KAZN: variants seen among roughly 807,000 people sequenced by gnomAD.
KAZN encodes the protein kazrin, periplakin interacting protein.
In KAZN, 40 loss-of-function variants were observed where a neutral mutation model predicts 87.4. The observed-to-expected ratio is 0.46, with a 90% CI of 0.36 to 0.60. The LOEUF is 0.60. KAZN is among the 20% of genes least tolerant of loss of function. The pLI is 0.00. For synonymous variants in KAZN, 466 were observed against 458.3 expected (o/e 1.02, Z -0.22); for missense variants, 898 against 1,073.9 (o/e 0.84, Z 2.29).
intron 1 of KAZN, among the ~76,000 whole-genome samples, chr1:14,169,426 C>T (rs1411087107): frequency 6.6e-6 from 1 of 152,134 alleles, no homozygotes; most frequent in Non-Finnish European, 1.5e-5. Context: ...TATGTCCAGC[C>T]GATTAGCCTC....
At chr1:15,086,362 AAAC>A in intron 8 of KAZN, among the ~76,000 whole-genome samples, 1 of 152,350 alleles carries the variant, frequency 6.6e-6, no homozygotes, top group Admixed American at 6.5e-5. Flanking sequence ...CACGATCATG[AAAC>A]AACATCGTCA....
intron 2 of KAZN, among the ~76,000 whole-genome samples, chr1:14,507,640 C>A (rs4617396): frequency 0.16 from 24,019 of 152,118 alleles, 2,320 homozygotes; most frequent in Non-Finnish European, 0.22. Context: ...TGAAGGAGAG[C>A]TGTCTTTTCT....
Position 14,927,370 on chromosome 1 carries a change from G to A in KAZN, c.227-33314G>A, listed in dbSNP as rs139244445. 4.0e-3 allele frequency among the ~76,000 whole-genome samples: 615 copies of A among 152,332 alleles called. 3 individuals are homozygous for A. The highest frequency in any genetic ancestry group is 0.014 in the African/African-American group (582 of 41,572). On this transcript the variant is annotated intron_variant, in intron 1 of 14. Coordinates refer to ENST00000376030, the MANE Select transcript of KAZN (RefSeq NM_201628.3). The stretch of plus-strand genomic sequence containing the variant: ...AGATGACTGCAGCCCTGGTTTCCAT[G>A]GAGCTTATAGTCTGTGGGAGGAGAT...
At chr1:13,968,934 G>A (rs984542442) in intron 1 of KAZN, among the ~76,000 whole-genome samples, 3 of 152,098 alleles carry the variant, frequency 2.0e-5, no homozygotes, top group African/African-American at 7.2e-5. Context: ...ATATTCAGTT[G>A]CCTACTTGAC....
intron 1 of KAZN, among the ~76,000 whole-genome samples, chr1:14,126,976 G>A (rs1355369605): frequency 6.6e-6 from 1 of 152,186 alleles, no homozygotes; most frequent in Non-Finnish European, 1.5e-5. Context: ...CATGGTGGTA[G>A]GCGCCTGTGA....
chr1:15,047,660 C>T (rs186935390), intron 4 of KAZN, among the ~76,000 whole-genome samples: 15 of 152,190 alleles, frequency 9.9e-5, no homozygotes, highest in Admixed American at 3.3e-4. Flanking sequence ...AATCCCAGCT[C>T]CTCGGGAGGC....
chr1:14,026,232 T>G (rs1369761975), intron 1 of KAZN, among the ~76,000 whole-genome samples: 1 of 152,188 alleles, frequency 6.6e-6, no homozygotes, highest in African/African-American at 2.4e-5. Context: ...GGGATTTTTG[T>G]CTTTTTGTTT....
At chr1:15,108,483 T>C (rs147339894) in intron 13 of KAZN, among the ~76,000 whole-genome samples, 2 of 152,366 alleles carry the variant, frequency 1.3e-5, no homozygotes, top group East Asian at 3.9e-4. Flanking sequence ...GCAATGGGGA[T>C]GATCACTCCT....
chr1:14,280,404 G>A (rs1652759558), intron 2 of KAZN, among the ~76,000 whole-genome samples: 1 of 148,662 alleles, frequency 6.7e-6, no homozygotes, highest in Non-Finnish European at 1.5e-5. Flanking sequence ...AAAAAGACGA[G>A]GTTGCATTGG....
At chr1:14,981,909 C>T (rs879156132) in intron 2 of KAZN, among the ~76,000 whole-genome samples, 10 of 152,286 alleles carry the variant, frequency 6.6e-5, no homozygotes, top group Admixed American at 5.2e-4. Flanking sequence ...CCAGGTATAG[C>T]GTGCCATCCA....
At chr1:14,492,799 G>A (rs1056744008) in intron 2 of KAZN, among the ~76,000 whole-genome samples, 11 of 52,840 alleles carry the variant, frequency 2.1e-4, no homozygotes, top group African/African-American at 7.0e-4. Flanking sequence ...TCACACATAT[G>A]CACTCACATC....
At chr1:14,095,205 T>C (rs906391552) in intron 1 of KAZN, among the ~76,000 whole-genome samples, 19 of 152,202 alleles carry the variant, frequency 1.2e-4, no homozygotes, top group Admixed American at 1.1e-3. Context: ...GGGGGCAGTA[T>C]TTCCCTTGGC....
intron 8 of KAZN, among the ~76,000 whole-genome samples, chr1:15,086,859 G>A (rs2221926): frequency 0.24 from 36,312 of 152,138 alleles, 6,238 homozygotes; most frequent in East Asian, 0.73. Context: ...AATCATTAAG[G>A]CCGTGGTTCT....
rs191345754 is a variant in KAZN, at chr1:14,164,676, G to A, written c.92-15759G>A. Among the ~76,000 whole-genome samples the A allele has an allele frequency of 6.0e-4, 91 of 151,882 alleles. 1 individual carries two copies. Among genetic ancestry groups the A allele is most frequent in the African/African-American group, 2.1e-3 (85 of 41,410 alleles). On this transcript the variant is annotated intron_variant, in intron 1 of 16. Transcript: ENST00000636203. ...CTGCCTCAGCCTCCGAAGTAGCCAGGATTATAGGCATGCACCACCACGCCT... is the reference window on the plus strand; with the variant it reads ...CTGCCTCAGCCTCCGAAGTAGCCAGAATTATAGGCATGCACCACCACGCCT...
In KAZN at chr1:15,056,087, C is replaced by A. The variant is rs777463102; in HGVS notation, c.727-4C>A. On this transcript the variant is annotated splice_region_variant and splice_polypyrimidine_tract_variant and intron_variant, in intron 4 of 14. Transcript: ENST00000376030. This position sits in a 1 kb window ranked among gnomAD's most constrained non-coding sequence, Gnocchi z 5.4. ...TCTTCTTCCTGTCTTCTTGCTCTCT[C>A]CAGGCCAAACAGTCCTTAGCTACGC... 16 of 1,600,836 alleles carry A rather than the reference C, an allele frequency of 1.0e-5. 1 individual carries two copies. Among genetic ancestry groups the A allele is most frequent in the Non-Finnish European group, 1.4e-5 (16 of 1,169,498 alleles).
intron 1 of KAZN, among the ~76,000 whole-genome samples, chr1:14,635,968 G>A (rs1221298533): frequency 6.6e-6 from 1 of 152,222 alleles, no homozygotes; most frequent in Non-Finnish European, 1.5e-5. Flanking sequence ...ACCCAGGTCT[G>A]TGGGCATATG....
At chr1:14,636,098 A>T (rs1679965432) in intron 1 of KAZN, among the ~76,000 whole-genome samples, 2 of 152,206 alleles carry the variant, frequency 1.3e-5, no homozygotes, top group South Asian at 4.1e-4. Flanking sequence ...CTGGGAAAAG[A>T]GTTGAAGAGA....
intron 2 of KAZN, among the ~76,000 whole-genome samples, chr1:15,019,989 G>A (rs905169773): frequency 5.3e-5 from 8 of 152,222 alleles, no homozygotes; most frequent in African/African-American, 1.4e-4. Context: ...CGTGGCCTGT[G>A]CAGGACTGAG....
At chr1:14,046,392 A>G (rs1031656133) in intron 1 of KAZN, among the ~76,000 whole-genome samples, 1 of 54,848 alleles carries the variant, frequency 1.8e-5, no homozygotes, top group Non-Finnish European at 3.3e-5. Context: ...GAATAGGTAC[A>G]TACATATATA....
Sources: gnomAD v4.1 joint callset for allele counts (sites outside exome capture counted in the v4.1 genomes callset) on GRCh38, gnomAD v4.1.1 for gene constraint, Gnocchi (gnomAD v3.1) non-coding constraint, MANE v1.5 for transcripts, NCBI Gene and HGNC (gene_info 2026-07-23, HGNC 2026-07-21) for gene names.